Variants in ADAMTSL1 observed in about 807,000 individuals in gnomAD.
The protein encoded by ADAMTSL1 is ADAMTS like 1, also known as ADAMTS-like protein 1.
A neutral mutation model predicts 201.8 loss-of-function variants in ADAMTSL1; 126 were observed. The observed-to-expected ratio is 0.62, with a 90% CI of 0.54 to 0.72. The LOEUF (loss-of-function observed/expected upper bound fraction) is 0.72. Ranked by LOEUF, ADAMTSL1 falls within the 30% of genes least tolerant of loss-of-function variation. The pLI, the probability that ADAMTSL1 is intolerant of heterozygous loss-of-function variation, is 0.00. For missense variants in ADAMTSL1, 2,679 were observed against 2,277.8 expected, an observed-to-expected ratio of 1.18 and a Z score of -3.59; for synonymous variants, 1,121 against 903.4, an observed-to-expected ratio of 1.24 and a Z score of -4.32.
At chr9:18,555,426 C>A (rs932099669) in intron 3 of ADAMTSL1, among the ~76,000 whole-genome samples, 1 of 151,906 alleles carries the variant, frequency 6.6e-6, no homozygotes, top group Non-Finnish European at 1.5e-5. Flanking sequence ...TTTTTAGTCA[C>A]TTGTAGTGAG....
chr9:18,284,672 T>C lies in ADAMTSL1; in HGVS notation c.207+120691T>C, dbSNP rs184483576. The stretch of plus-strand genomic sequence containing the variant: ...GATCATGTTGAATTTTTGTTTAACA[T>C]AAAGAAGAAAATAAAACTTAACTAT... On this transcript the variant is annotated intron_variant, in intron 2 of 29. Coordinates refer to the ADAMTSL1 transcript ENST00000680146. Among the ~76,000 whole-genome samples, 441 of 152,310 alleles carry C rather than the reference T, an allele frequency of 2.9e-3. 1 individual carries two copies. Among genetic ancestry groups the C allele is most frequent in the African/African-American group, 9.5e-3 (396 of 41,574 alleles).
chr9:18,363,901 A>T (rs892476189), intron 2 of ADAMTSL1, among the ~76,000 whole-genome samples: 1 of 148,452 alleles, frequency 6.7e-6, no homozygotes, highest in Non-Finnish European at 1.5e-5. Flanking sequence ...GATAGAGGAG[A>T]AGCAGGATTA....
At chr9:18,124,162 A>G (rs1342840662) in intron 1 of ADAMTSL1, among the ~76,000 whole-genome samples, 1 of 137,042 alleles carries the variant, frequency 7.3e-6, no homozygotes, top group Non-Finnish European at 1.5e-5. Context: ...AGCTCACTGC[A>G]ACCTCTGTGT....
chr9:17,932,555 A>C, intron 1 of ADAMTSL1, among the ~76,000 whole-genome samples: 1 of 152,170 alleles, frequency 6.6e-6, no homozygotes, highest in Non-Finnish European at 1.5e-5. Context: ...AATTTTGAAG[A>C]CTTTTCCTAT....
At chr9:18,883,967 T>C (rs1468296534) in intron 23 of ADAMTSL1, among the ~76,000 whole-genome samples, 3 of 152,238 alleles carry the variant, frequency 2.0e-5, no homozygotes, top group African/African-American at 4.8e-5. Context: ...GATAATCCTA[T>C]ATTTAATTTT....
At position 18,908,513 on chromosome 9, in the gene ADAMTSL1, A is replaced by G; in HGVS notation, c.5254A>G (p.Lys1752Glu). The part of the protein sequence containing the change: ...QLKLCQLSQF[K>E]SRCCGTCGKA Reference sequence around the variant, plus strand: ...GAAACTCTGCCAACTCAGCCAGTTTAAATCTCGCTGCTGTGGAACTTGTGG... The same window carrying G: ...GAAACTCTGCCAACTCAGCCAGTTTGAATCTCGCTGCTGTGGAACTTGTGG... Residue 1752 changes from lysine to glutamate, a missense_variant, in exon 29 of 29, where the codon AAA becomes GAA. Lys to Glu is a moderately conservative substitution (Grantham distance 56). Coordinates refer to ENST00000380548, the MANE Select transcript of ADAMTSL1 (RefSeq NM_001040272.6). 6.4e-7 allele frequency: 1 copy of G among 1,563,736 alleles called. No individual in the cohort carries two copies.
At chr9:18,561,352 T>G (rs1821484200) in intron 3 of ADAMTSL1, among the ~76,000 whole-genome samples, 1 of 152,214 alleles carries the variant, frequency 6.6e-6, no homozygotes, top group Non-Finnish European at 1.5e-5. Context: ...TTGAGTGAGT[T>G]TCTTAATCTT....
At chr9:18,617,363 G>T (rs1440446007) in intron 4 of ADAMTSL1, among the ~76,000 whole-genome samples, 1 of 152,150 alleles carries the variant, frequency 6.6e-6, no homozygotes, top group Non-Finnish European at 1.5e-5. Flanking sequence ...CATACTGCCT[G>T]TTCTCTTGCT....
At chr9:18,155,636 GGCCTAGAGAA>G (rs2094903605) in intron 1 of ADAMTSL1, among the ~76,000 whole-genome samples, 1 of 151,946 alleles carries the variant, frequency 6.6e-6, no homozygotes, top group South Asian at 2.1e-4. Context: ...TCTTCCATGT[GGCCTAGAGAA>G]GCCAAAAGAT....
intron 22 of ADAMTSL1, among the ~76,000 whole-genome samples, 200 bp from the exon 23 acceptor site, chr9:18,829,643 A>C (rs557938617): frequency 2.6e-5 from 4 of 152,272 alleles, no homozygotes; most frequent in Non-Finnish European, 5.9e-5. Context: ...CAGGCATCAA[A>C]TACCTGTATT....
At chr9:17,999,825 A>T (rs993440818) in intron 1 of ADAMTSL1, among the ~76,000 whole-genome samples, 1 of 149,736 alleles carries the variant, frequency 6.7e-6, no homozygotes, top group African/African-American at 2.5e-5. Flanking sequence ...TCATTGTTCA[A>T]TTCCCACCTA....
chr9:18,241,809 A>C (rs1234043889), intron 2 of ADAMTSL1, among the ~76,000 whole-genome samples: 1 of 152,166 alleles, frequency 6.6e-6, no homozygotes, highest in Admixed American at 6.6e-5. Context: ...CAACATACAA[A>C]GATAGAATCA....
At chr9:18,134,451 A>C in intron 1 of ADAMTSL1, among the ~76,000 whole-genome samples, 1 of 152,214 alleles carries the variant, frequency 6.6e-6, no homozygotes, top group Non-Finnish European at 1.5e-5. Context: ...AGACTGACTT[A>C]GCTACAAGAA....
chr9:18,560,035 C>T (rs941154098), intron 3 of ADAMTSL1, among the ~76,000 whole-genome samples: 2 of 152,104 alleles, frequency 1.3e-5, no homozygotes, highest in African/African-American at 4.8e-5. Context: ...GCCAGAACTT[C>T]CAATATTATG....
chr9:18,871,758 C>T (rs1827882379), intron 23 of ADAMTSL1, among the ~76,000 whole-genome samples: 1 of 152,230 alleles, frequency 6.6e-6, no homozygotes, highest in Non-Finnish European at 1.5e-5. Flanking sequence ...TTCTTCCTCA[C>T]ATTCCATCAG....
At chr9:18,107,955 G>C (rs568529558) in intron 1 of ADAMTSL1, among the ~76,000 whole-genome samples, 1 of 152,122 alleles carries the variant, frequency 6.6e-6, no homozygotes, top group Non-Finnish European at 1.5e-5. Context: ...TTTCTGATGG[G>C]AAAATAGAAT....
chr9:18,542,342 A>T lies in ADAMTSL1; in HGVS notation c.237+9050A>T, dbSNP rs80086631. On this transcript the variant is annotated intron_variant, in intron 3 of 28. Transcript: ENST00000380548. The stretch of plus-strand genomic sequence containing the variant: ...TAAAATGCACTCAGCCTGGTACCTG[A>T]CTCAGTCATGTTGGCTCTACTCTTC... Among the ~76,000 whole-genome samples, 805 of 152,144 alleles carry T rather than the reference A, an allele frequency of 5.3e-3. 9 individuals carry two copies. Among genetic ancestry groups the T allele is most frequent in the African/African-American group, 0.019 (775 of 41,520 alleles).
At chr9:18,173,813 G>T (rs1390542926) in intron 2 of ADAMTSL1, among the ~76,000 whole-genome samples, 12 of 152,068 alleles carry the variant, frequency 7.9e-5, no homozygotes, top group Admixed American at 7.2e-4. Flanking sequence ...CTTTTGGGGG[G>T]CATTTTCACG....
chr9:18,177,348 A>G (rs1828214714), intron 2 of ADAMTSL1, among the ~76,000 whole-genome samples: 1 of 152,222 alleles, frequency 6.6e-6, no homozygotes, highest in Non-Finnish European at 1.5e-5. Flanking sequence ...TTAGCTTTTT[A>G]TGTACCTTAA....
Sources: gnomAD v4.1 joint callset for allele counts (sites outside exome capture counted in the v4.1 genomes callset) on GRCh38, gnomAD v4.1.1 for gene constraint, MANE v1.5 for transcripts, NCBI Gene and HGNC (gene_info 2026-07-23, HGNC 2026-07-21) for gene names.